Variants in USP42 observed in about 807,000 individuals in gnomAD.
USP42 encodes the protein ubiquitin specific peptidase 42, also known as ubiquitin carboxyl-terminal hydrolase 42.
Under a neutral mutation model 113.0 loss-of-function variants are expected in USP42, and 23 were observed. The observed-to-expected ratio is 0.20, with a 90% CI of 0.15 to 0.29. USP42 has a LOEUF of 0.29. USP42 is among the 10% of genes least tolerant of loss of function. USP42 has a pLI of 1.00. For synonymous variants in USP42, 933 were observed against 699.0 expected, an observed-to-expected ratio of 1.33 and a Z score of -5.28; for missense variants, 2,174 against 1,779.8, an observed-to-expected ratio of 1.22 and a Z score of -3.99.
chr7:6,101,654 CCT>C (rs1473023872), upstream of USP42, among the ~76,000 whole-genome samples: 1 of 151,030 alleles, frequency 6.6e-6, no homozygotes, highest in Non-Finnish European at 1.5e-5. Context: ...GGTGCTAGCT[CCT>C]TAGAGGAAAA....
Position 6,155,203 on chromosome 7 carries a change from T to C in USP42, c.3641+8T>C, listed in dbSNP as rs1583694686. On this transcript the variant is annotated splice_region_variant and intron_variant, in intron 15 of 17. Transcript: ENST00000306177. Reference sequence around the variant, plus strand: ...CCGAGACCGCGACTCCAGGTGAGCCTGGGGCCTTGTGCTCCCCGAGGCGCT... The same window carrying C: ...CCGAGACCGCGACTCCAGGTGAGCCCGGGGCCTTGTGCTCCCCGAGGCGCT... 1 of 1,519,430 alleles carries C rather than the reference T, an allele frequency of 6.6e-7. No individual in the cohort carries two copies. The highest frequency in any genetic ancestry group is 2.5e-5 in the East Asian group (1 of 40,744). The allele number at this position is 1,519,430 out of a possible 1,614,324, so 94.1% of individuals were successfully genotyped here.
chr7:6,157,146 C>T lies in USP42; in HGVS notation c.3943+91C>T. On this transcript the variant is annotated intron_variant, in intron 16 of 17. Coordinates refer to ENST00000306177, the MANE Select transcript of USP42 (RefSeq NM_032172.3). This position sits in a 1 kb window ranked among gnomAD's most constrained non-coding sequence, Gnocchi z 4.1. Reference sequence around the variant, plus strand: ...TGATTAACATGTAGAAAGAAAACCTCAGGTGGCATCAAAGGGCACAGTTAC... The same window carrying T: ...TGATTAACATGTAGAAAGAAAACCTTAGGTGGCATCAAAGGGCACAGTTAC... 6.9e-7 allele frequency: 1 copy of T among 1,445,958 alleles called. No individual in the cohort carries two copies. The highest frequency in any genetic ancestry group is 9.0e-7 in the Non-Finnish European group (1 of 1,105,302). 89.6% of individuals were successfully genotyped at this position (1,445,958 alleles called of 1,614,324 possible).
In USP42 at chr7:6,154,265, T is replaced by G. The variant is rs895301750; in HGVS notation, c.2711T>G (p.Leu904Arg). 2 of 1,603,288 alleles carry G rather than the reference T, an allele frequency of 1.2e-6. No individual in the cohort carries two copies. Among genetic ancestry groups the G allele is most frequent in the African/African-American group, 1.3e-5 (1 of 74,722 alleles). The change falls in exon 15 of 18, where the codon CTG becomes CGG. Residue 904 changes from leucine to arginine, a missense_variant. Coordinates refer to ENST00000306177, the MANE Select transcript of USP42 (RefSeq NM_032172.3). ...GCAGAGCGGCCGCCAGCTCCTGTGCTGGACATGGCCCCGGCCGGTCACCCG... is the reference window on the plus strand; with the variant it reads ...GCAGAGCGGCCGCCAGCTCCTGTGCGGGACATGGCCCCGGCCGGTCACCCG... ...EAAERPPAPV[L>R]DMAPAGHPEG...
At position 6,155,242 on chromosome 7, in the gene USP42, G is replaced by A. The variant is rs985604465; in HGVS notation, c.3641+47G>A. 63 of 1,479,596 alleles carry A rather than the reference G, an allele frequency of 4.3e-5. No homozygotes were observed. In the Admixed American group the frequency reaches 1.6e-3, roughly 37 times the overall value. 91.7% of individuals were successfully genotyped at this position (1,479,596 alleles called of 1,614,324 possible). ...CCCCGAGGCGCTGGCGCTGCTGTCA[G>A]CAGTGGGGCCTGTCCCTTCTCACTC... On this transcript the variant is annotated intron_variant, in intron 15 of 17. Coordinates refer to ENST00000306177, the MANE Select transcript of USP42 (RefSeq NM_032172.3).
intron 1 of USP42, among the ~76,000 whole-genome samples, chr7:6,105,920 A>G (rs1779254680): frequency 6.6e-6 from 1 of 152,192 alleles, no homozygotes; most frequent in Admixed American, 6.5e-5. Context: ...TTGGTTATGT[A>G]AAGTCAATAC....
At chr7:6,136,355 A>G (rs1257444223) in intron 4 of USP42, among the ~76,000 whole-genome samples, 1 of 152,190 alleles carries the variant, frequency 6.6e-6, no homozygotes, top group Non-Finnish European at 1.5e-5. Context: ...CGAACCCGTC[A>G]TGTATTAGAA....
At chr7:6,107,371 A>G (rs1261622169) in intron 1 of USP42, among the ~76,000 whole-genome samples, 1 of 133,918 alleles carries the variant, frequency 7.5e-6, no homozygotes, top group Non-Finnish European at 1.6e-5. Flanking sequence ...CTTTTCTTAT[A>G]TTTCTTACAA....
At chr7:6,141,157 C>A (rs1413841263) in intron 7 of USP42, among the ~76,000 whole-genome samples, 173 bp downstream of exon 7, 2 of 143,692 alleles carry the variant, frequency 1.4e-5, no homozygotes, top group African/African-American at 5.2e-5. Flanking sequence ...CATAAAAAAG[C>A]TTTTAAAGTT....
rs186384360 is a variant in USP42 at position 6,155,408 on chromosome 7, T to A, written c.3641+213T>A. On this transcript the variant is annotated intron_variant, in intron 15 of 17. Coordinates refer to ENST00000306177, the MANE Select transcript of USP42 (RefSeq NM_032172.3). The stretch of plus-strand genomic sequence containing the variant: ...TTTGAAGCTGTATCTTTATTCTTCA[T>A]GGTGTCGTTAAATGCCTAACAACCT... Among the ~76,000 whole-genome samples, 12 of 152,346 alleles carry A rather than the reference T, an allele frequency of 7.9e-5. No homozygotes were observed. In the East Asian group the frequency reaches 2.3e-3, roughly 29 times the overall value.
Position 6,156,783 on chromosome 7 carries a change from C to A in USP42, c.3671C>A (p.Ala1224Glu), listed in dbSNP as rs112258601. The A allele has an allele frequency of 6.3e-7, 1 of 1,579,652 alleles. No individual in the cohort carries two copies. Among genetic ancestry groups the A allele is most frequent in the African/African-American group, 1.4e-5 (1 of 73,124 alleles). ...CAGCAGGACTCAGACCTCTCAGCAG[C>A]GTGCTCTGACGCTGACCTCCACAGA... The part of the protein sequence containing the change: ...RHQQDSDLSA[A>E]CSDADLHRHK... The change falls in exon 16 of 18, where the codon GCG becomes GAG. Residue 1224 changes from alanine to glutamate, a missense_variant. By Grantham distance (107) the Ala-to-Glu change is moderately radical. Coordinates refer to ENST00000306177, the MANE Select transcript of USP42 (RefSeq NM_032172.3).
chr7:6,130,538 G>A (rs1780796325), intron 3 of USP42, among the ~76,000 whole-genome samples: 1 of 152,134 alleles, frequency 6.6e-6, no homozygotes, highest in Non-Finnish European at 1.5e-5. Flanking sequence ...ACGTGGGGTG[G>A]GACAGGGTTT....
chr7:6,142,741 C>T (rs1209143368), intron 7 of USP42, among the ~76,000 whole-genome samples, 191 bp from the exon 8 acceptor site: 2 of 152,038 alleles, frequency 1.3e-5, no homozygotes, highest in African/African-American at 4.8e-5. Context: ...AAAAATTTAG[C>T]TGGGCATGGT....
intron 15 of USP42, 25 bp downstream of exon 15, chr7:6,155,220 C>T (rs1350513837): frequency 6.6e-6 from 10 of 1,503,916 alleles, no homozygotes; most frequent in Non-Finnish European, 8.8e-6. Flanking sequence ...TTGTGCTCCC[C>T]GAGGCGCTGG....
the USP42 span, among the ~76,000 whole-genome samples, chr7:6,089,626 G>T: frequency 6.8e-6 from 1 of 146,496 alleles, no homozygotes; most frequent in African/African-American, 2.6e-5. Context: ...TTCGCCTCCC[G>T]GGTTCAAACA....
chr7:6,089,979 C>T, the USP42 span, among the ~76,000 whole-genome samples: 4 of 150,494 alleles, frequency 2.7e-5, no homozygotes, highest in South Asian at 6.2e-4. Context: ...CCAGCCTGGG[C>T]GACAGAGCAA....
rs1249858802 is a variant in USP42, at chr7:6,158,350, ATTGT to A, written c.3944-1095_3944-1092del. The stretch of plus-strand genomic sequence containing the variant: ...GTTTGTCACCCCTGCCTGGACGCCC[ATTGT>A]TTGTGTTCACGTGTGAAGCGCATCC... On this transcript the variant is annotated intron_variant, in intron 16 of 17. Transcript: ENST00000306177. The surrounding 1 kb of genome is among the most constrained non-coding windows in gnomAD (Gnocchi z 4.2). Among the ~76,000 whole-genome samples, 2 of 152,180 alleles carry A rather than the reference ATTGT, an allele frequency of 1.3e-5. No individual in the cohort carries two copies. Among genetic ancestry groups the A allele is most frequent in the South Asian group, 2.1e-4 (1 of 4,822 alleles).
At chr7:6,116,636 T>TC (rs1779926727) in intron 3 of USP42, 1 of 386,070 alleles carries the variant, frequency 2.6e-6, no homozygotes, top group African/African-American at 2.2e-5. Flanking sequence ...GATTTTTTTT[T>TC]CCCTCCAAAG....
At position 6,149,786 on chromosome 7, in the gene USP42, G is replaced by A; in HGVS notation, c.1590G>A (p.Leu530=). Residue 530 remains leucine, a synonymous_variant, in exon 13 of 18, where the codon TTG becomes TTA. Coordinates refer to ENST00000306177, the MANE Select transcript of USP42 (RefSeq NM_032172.3). ...TTACAATCAGTATTCACAACAAGTT[G>A]CCTGTTCGCCAGTGTCAGTCTCAAC... The part of the protein sequence containing the change: ...QKITISIHNK[L]PVRQCQSQPN... 6.2e-7 allele frequency: 1 copy of A among 1,614,002 alleles called. No individual in the cohort carries two copies. The highest frequency in any genetic ancestry group is 1.3e-5 in the African/African-American group (1 of 75,044).
At chr7:6,092,081 C>CTT in the USP42 span, among the ~76,000 whole-genome samples, 3 of 35,228 alleles carry the variant, frequency 8.5e-5, no homozygotes, top group Admixed American at 3.1e-4. Flanking sequence ...TCTTCCTCTT[C>CTT]CTCTTCTTCT....
Sources: allele counts gnomAD v4.1 joint callset (sites outside exome capture counted in the v4.1 genomes callset), GRCh38; gene constraint gnomAD v4.1.1; non-coding constraint Gnocchi (gnomAD v3.1); transcripts MANE v1.5; gene names NCBI Gene and HGNC (gene_info 2026-07-23, HGNC 2026-07-21).